PRAG1: variants seen among roughly 807,000 people sequenced by gnomAD.
The protein encoded by PRAG1 is PEAK1 related, kinase-activating pseudokinase 1.
A neutral mutation model predicts 95.6 loss-of-function variants in PRAG1; 110 were observed. The observed-to-expected ratio is 1.15, with a 90% CI of 0.99 to 1.35. The LOEUF (loss-of-function observed/expected upper bound fraction) is 1.35, where lower values mean the gene tolerates loss of function less well. Ranked by LOEUF, PRAG1 falls within the 40% of genes most tolerant of loss-of-function variation. The pLI, the probability that PRAG1 is intolerant of heterozygous loss-of-function variation, is 0.00. For synonymous variants in PRAG1, 1,052 were observed against 819.4 expected, an observed-to-expected ratio of 1.28 and a Z score of -4.85; for missense variants, 2,554 against 1,864.7, an observed-to-expected ratio of 1.37 and a Z score of -6.81.
intron 5 of PRAG1, among the ~76,000 whole-genome samples, chr8:8,323,945 A>C (rs1299399041): frequency 1.3e-5 from 2 of 152,226 alleles, no homozygotes; most frequent in Non-Finnish European, 2.9e-5. Flanking sequence ...AGAATCCATA[A>C]ATAATGAAGA....
rs1798419763 is a variant in PRAG1, at chr8:8,319,910, C to T, written c.3073-608G>A. The stretch of plus-strand genomic sequence containing the variant: ...ACAGTGAGATATCAGTTCACGCCCA[C>T]TAGAATGGGTTCTAATAAAAGACAA... On this transcript the variant is annotated intron_variant, in intron 5 of 5. Coordinates refer to ENST00000615670, the MANE Select transcript of PRAG1 (RefSeq NM_001080826.3). 2.0e-5 allele frequency among the ~76,000 whole-genome samples: 3 copies of T among 152,230 alleles called. No individual in the cohort carries two copies. In the South Asian group the frequency reaches 6.2e-4, roughly 32 times the overall value.
intron 3 of PRAG1, among the ~76,000 whole-genome samples, chr8:8,364,236 A>G (rs1436980628): frequency 6.6e-6 from 1 of 152,174 alleles, no homozygotes; most frequent in Non-Finnish European, 1.5e-5. Context: ...ATAATGTGCT[A>G]TTTTACTGTT....
chr8:8,383,100 T>C lies in PRAG1; in HGVS notation c.-87-1266A>G, dbSNP rs558568185. ...ACTTTCCTCCCATAAGGATCTGCCT[T>C]AAGTTTGATAATCTCTAAACTGTCA... On this transcript the variant is annotated intron_variant, in intron 1 of 5. Transcript: ENST00000615670. Among the ~76,000 whole-genome samples the C allele has an allele frequency of 1.2e-3, 183 of 152,308 alleles. 1 individual carries two copies. The highest frequency in any genetic ancestry group is 4.2e-3 in the African/African-American group (176 of 41,564).
At chr8:8,368,689 A>G (rs1316651777) in intron 3 of PRAG1, among the ~76,000 whole-genome samples, 4 of 152,182 alleles carry the variant, frequency 2.6e-5, no homozygotes, top group Admixed American at 2.6e-4. Context: ...CCATTCTAGG[A>G]ACAAAGTCCC....
At position 8,318,266 on chromosome 8, in the gene PRAG1, G is replaced by A; in HGVS notation, c.4109C>T (p.Ala1370Val). ...ALMMMKFAEK[A>V]VDRRRGVELE... ...CTCCACGCCCCGCCTGCGATCCACC[G>A]CCTTCTCCGCAAACTTCATCATCAT... The change falls in exon 6 of 6, where the codon GCG becomes GTG. Residue 1370 changes from alanine (A) to valine (V), a missense_variant. Transcript: ENST00000615670. This position sits in a 1 kb window ranked among gnomAD's most constrained non-coding sequence, Gnocchi z 4.2. The A allele has an allele frequency of 6.2e-7, 1 of 1,614,164 alleles. No homozygotes were observed. The highest frequency in any genetic ancestry group is 1.1e-5 in the South Asian group (1 of 91,088).
At chr8:8,343,932 G>GA (rs962185057) in intron 3 of PRAG1, among the ~76,000 whole-genome samples, 4 of 151,702 alleles carry the variant, frequency 2.6e-5, no homozygotes, top group Admixed American at 2.0e-4. Flanking sequence ...AAATAAATGG[G>GA]AAAAAATAAT....
Position 8,377,494 on chromosome 8 carries a change from CG to C in PRAG1, c.914del (p.Pro305ArgfsTer65), listed in dbSNP as rs1800458244. The C allele has an allele frequency of 6.4e-7, 1 of 1,552,190 alleles. No individual in the cohort carries two copies. Among genetic ancestry groups the C allele is most frequent in the Non-Finnish European group, 8.7e-7 (1 of 1,149,610 alleles). On this transcript the variant is annotated frameshift_variant, in exon 3 of 6. Coordinates refer to ENST00000615670, the MANE Select transcript of PRAG1 (RefSeq NM_001080826.3). LOFTEE classifies it high-confidence loss of function. Reference sequence around the variant, plus strand: ...GGCTACAGCACTCCTTGGGGAAGCTCGGGCCCCGCTTCTCCTGCTCTGCGGG... The same window carrying C: ...GGCTACAGCACTCCTTGGGGAAGCTCGGCCCCGCTTCTCCTGCTCTGCGGG... Reference protein sequence around the residue: ...SGPAEQEKRGPSFPKECCSQG... With the variant: ...SGPAEQEKRGXSFPKECCSQG...
rs1193049772 is a variant in PRAG1 at position 8,341,489 on chromosome 8, C to CTT, written c.2163-1856_2163-1855dup. 3.3e-5 allele frequency among the ~76,000 whole-genome samples: 5 copies of CTT among 152,304 alleles called. No homozygotes were observed. In the East Asian group the frequency reaches 9.6e-4, roughly 29 times the overall value. On this transcript the variant is annotated intron_variant, in intron 3 of 5. Coordinates refer to ENST00000615670, the MANE Select transcript of PRAG1 (RefSeq NM_001080826.3). ...TTTACTACAGATTTCAGTAGACGCA[C>CTT]TTTATCAGGCTAAGGATGTTTATTT...
chr8:8,360,126 G>A (rs964453543), intron 3 of PRAG1, among the ~76,000 whole-genome samples: 1 of 152,100 alleles, frequency 6.6e-6, no homozygotes, highest in Non-Finnish European at 1.5e-5. Context: ...GGCTCTTGGT[G>A]GGACTCGAAA....
At chr8:8,358,657 C>A (rs1304110841) in intron 3 of PRAG1, among the ~76,000 whole-genome samples, 1 of 152,234 alleles carries the variant, frequency 6.6e-6, no homozygotes, top group African/African-American at 2.4e-5. Flanking sequence ...AAAGTTTTCT[C>A]AGCAAGACAA....
intron 3 of PRAG1, among the ~76,000 whole-genome samples, chr8:8,371,388 G>A (rs540864348): frequency 6.6e-6 from 1 of 151,730 alleles, no homozygotes; most frequent in African/African-American, 2.4e-5. Flanking sequence ...AGCCTCCCGA[G>A]TAGCTGGGAC....
At chr8:8,349,523 C>A (rs947367918) in intron 3 of PRAG1, among the ~76,000 whole-genome samples, 1 of 152,092 alleles carries the variant, frequency 6.6e-6, no homozygotes, top group Non-Finnish European at 1.5e-5. Context: ...ACCTCGTGAT[C>A]CACCTGCCTC....
intron 5 of PRAG1, among the ~76,000 whole-genome samples, chr8:8,323,379 C>T (rs1158363588): frequency 2.7e-5 from 4 of 147,560 alleles, no homozygotes; most frequent in East Asian, 2.0e-4. Flanking sequence ...AGTGCAGTGG[C>T]GCATCTTGGC....
intron 4 of PRAG1, among the ~76,000 whole-genome samples, chr8:8,331,408 AG>A (rs1185480205): frequency 1.3e-5 from 2 of 152,166 alleles, no homozygotes; most frequent in African/African-American, 4.8e-5. Context: ...TTCCTCCTTT[AG>A]AAAATGACCG....
At chr8:8,375,388 G>C (rs1229590947) in intron 3 of PRAG1, among the ~76,000 whole-genome samples, 2 of 152,030 alleles carry the variant, frequency 1.3e-5, no homozygotes, top group Admixed American at 6.5e-5. Flanking sequence ...ATTTTTAGTA[G>C]AGACGGGGTT....
chr8:8,360,675 C>T (rs942851146), intron 3 of PRAG1, among the ~76,000 whole-genome samples: 2 of 152,224 alleles, frequency 1.3e-5, no homozygotes, highest in Non-Finnish European at 2.9e-5. Context: ...ATTCCTTGCC[C>T]AAGGGGGCTT....
chr8:8,324,198 G>A (rs1314313915), intron 5 of PRAG1, among the ~76,000 whole-genome samples: 1 of 152,194 alleles, frequency 6.6e-6, no homozygotes, highest in Non-Finnish European at 1.5e-5. Context: ...GTGCAAACCC[G>A]AAGAGCACAG....
chr8:8,384,843 C>T (rs1254598723), intron 1 of PRAG1, among the ~76,000 whole-genome samples: 2 of 152,114 alleles, frequency 1.3e-5, no homozygotes, highest in Admixed American at 1.3e-4. Flanking sequence ...AAATCCTCCC[C>T]ATTTCAGTAG....
chr8:8,321,188 G>C (rs143178009), intron 5 of PRAG1, among the ~76,000 whole-genome samples: 2 of 152,156 alleles, frequency 1.3e-5, no homozygotes, highest in Non-Finnish European at 2.9e-5. Flanking sequence ...AGGTTTAAGC[G>C]ATCCTCCCAC....
Sources: allele counts gnomAD v4.1 joint callset (sites outside exome capture counted in the v4.1 genomes callset), GRCh38; gene constraint gnomAD v4.1.1; non-coding constraint Gnocchi (gnomAD v3.1); transcripts MANE v1.5; gene names NCBI Gene and HGNC (gene_info 2026-07-23, HGNC 2026-07-21).